The following DEPTOR variants were observed in gnomAD, a reference collection of about 807,000 sequenced individuals.
DEPTOR encodes DEP domain-containing mTOR-interacting protein.
In DEPTOR, 41 loss-of-function variants were observed where a neutral mutation model predicts 41.6. The observed-to-expected ratio is 0.98, with a 90% CI of 0.77 to 1.28. The LOEUF is 1.28. DEPTOR is among the 50% of genes most tolerant of loss of function. DEPTOR has a pLI of 0.00. For missense variants in DEPTOR, 514 were observed against 527.9 expected, an observed-to-expected ratio of 0.97 and a Z score of 0.26; for synonymous variants, 195 against 192.3, an observed-to-expected ratio of 1.01 and a Z score of -0.12.
At chr8:119,998,863 A>G (rs529763631) in intron 4 of DEPTOR, among the ~76,000 whole-genome samples, 1 of 151,236 alleles carries the variant, frequency 6.6e-6, no homozygotes, top group Non-Finnish European at 1.5e-5. Flanking sequence ...ATACTGTATT[A>G]TATTTCTACC....
At chr8:120,010,708 T>C (rs895461774) in intron 8 of DEPTOR, among the ~76,000 whole-genome samples, 3 of 152,138 alleles carry the variant, frequency 2.0e-5, no homozygotes, top group African/African-American at 7.2e-5. Flanking sequence ...AAATTACTTC[T>C]AATCTTCCCT....
At chr8:120,037,845 C>G (rs1162312794) in intron 8 of DEPTOR, among the ~76,000 whole-genome samples, 1 of 152,124 alleles carries the variant, frequency 6.6e-6, no homozygotes, top group Non-Finnish European at 1.5e-5. Flanking sequence ...CTGTCACATT[C>G]CCCATCGTTT....
intron 4 of DEPTOR, among the ~76,000 whole-genome samples, chr8:119,983,342 G>C (rs1014565720): frequency 5.9e-5 from 9 of 151,448 alleles, no homozygotes; most frequent in Non-Finnish European, 1.2e-4. Context: ...CCGAGTAGCT[G>C]GGATTACAGG....
intron 1 of DEPTOR, among the ~76,000 whole-genome samples, chr8:119,899,722 TTCA>T (rs1827562834): frequency 6.6e-6 from 1 of 152,186 alleles, no homozygotes; most frequent in South Asian, 2.1e-4. Flanking sequence ...TCGTGCAGTC[TTCA>T]TCATGTAGAA....
chr8:120,013,093 G>A (rs183232245), intron 8 of DEPTOR, among the ~76,000 whole-genome samples: 32 of 149,284 alleles, frequency 2.1e-4, no homozygotes, highest in Admixed American at 1.2e-3. Flanking sequence ...GGAGGCAGAG[G>A]TTGTAGTGAG....
chr8:119,995,235 A>G (rs566508421), intron 4 of DEPTOR, among the ~76,000 whole-genome samples: 1 of 152,322 alleles, frequency 6.6e-6, no homozygotes, highest in South Asian at 2.1e-4. Flanking sequence ...TGGCAGAGCT[A>G]GGATTGAAAC....
At chr8:119,929,053 ATG>A (rs1162039957) in intron 2 of DEPTOR, among the ~76,000 whole-genome samples, 1 of 152,220 alleles carries the variant, frequency 6.6e-6, no homozygotes, top group Non-Finnish European at 1.5e-5. Context: ...TTGATAGTAT[ATG>A]TCTTATTTGT....
intron 3 of DEPTOR, among the ~76,000 whole-genome samples, chr8:119,953,390 C>T (rs990736109): frequency 6.6e-6 from 1 of 152,084 alleles, no homozygotes; most frequent in Non-Finnish European, 1.5e-5. Context: ...TGAGAACAGC[C>T]TGGCCAACAT....
At chr8:119,923,099 C>T (rs1827917357) in intron 1 of DEPTOR, among the ~76,000 whole-genome samples, 1 of 152,072 alleles carries the variant, frequency 6.6e-6, no homozygotes, top group South Asian at 2.1e-4. Flanking sequence ...TAGGTCTTCC[C>T]TGGAGCTGTG....
intron 3 of DEPTOR, among the ~76,000 whole-genome samples, chr8:119,943,148 G>T (rs947284424): frequency 6.6e-6 from 1 of 152,164 alleles, no homozygotes; most frequent in African/African-American, 2.4e-5. Flanking sequence ...TTCTGGTTCA[G>T]CTCAGTCAGT....
Position 119,876,619 on chromosome 8 carries a change from CAG to C in DEPTOR, c.122+2654_122+2655del, listed in dbSNP as rs1436623633. Among the ~76,000 whole-genome samples the C allele has an allele frequency of 4.0e-5, 6 of 148,536 alleles. No individual in the cohort carries two copies. In the Admixed American group the frequency reaches 4.0e-4, roughly 10 times the overall value. ...TGCCACTGCACTCCAGCCTGGGCAACAGAGTGAGCCTCCATCTCAAAAAAAAA... is the reference window on the plus strand; with the variant it reads ...TGCCACTGCACTCCAGCCTGGGCAACAGTGAGCCTCCATCTCAAAAAAAAA... On this transcript the variant is annotated intron_variant, in intron 1 of 8. Coordinates refer to ENST00000286234, the MANE Select transcript of DEPTOR (RefSeq NM_022783.4).
intron 1 of DEPTOR, among the ~76,000 whole-genome samples, chr8:119,881,880 T>TTTTA (rs576601041): frequency 5.4e-4 from 82 of 152,076 alleles, no homozygotes; most frequent in South Asian, 1.2e-3. Flanking sequence ...TTTATTCTAT[T>TTTTA]TTTATTTATT....
intron 3 of DEPTOR, among the ~76,000 whole-genome samples, chr8:119,946,899 C>G (rs1000445868): frequency 6.6e-6 from 1 of 152,126 alleles, no homozygotes; most frequent in Non-Finnish European, 1.5e-5. Flanking sequence ...CTGATGCTGC[C>G]CTTCTTCCCT....
chr8:119,886,692 G>A (rs1827369250), intron 1 of DEPTOR, among the ~76,000 whole-genome samples: 1 of 152,122 alleles, frequency 6.6e-6, no homozygotes, highest in Admixed American at 6.6e-5. Flanking sequence ...GAAAAATAGT[G>A]TAACAAATTA....
intron 8 of DEPTOR, among the ~76,000 whole-genome samples, chr8:120,034,999 G>A (rs1007644781): frequency 7.0e-6 from 1 of 143,006 alleles, no homozygotes; most frequent in Non-Finnish European, 1.5e-5. Context: ...ATAAGCTTGT[G>A]TGGGAGTGAT....
chr8:119,992,823 A>T (rs1308375333), intron 4 of DEPTOR, among the ~76,000 whole-genome samples: 3 of 151,772 alleles, frequency 2.0e-5, no homozygotes, highest in Non-Finnish European at 4.4e-5. Context: ...TGCCTGGCTA[A>T]TTTTTATGTT....
intron 1 of DEPTOR, among the ~76,000 whole-genome samples, chr8:119,906,527 A>G (rs1459776773): frequency 3.3e-5 from 5 of 152,124 alleles, no homozygotes; most frequent in Non-Finnish European, 4.4e-5. Context: ...CTGTGCACCA[A>G]TGGTTGGTCT....
chr8:119,994,639 C>T lies in DEPTOR; in HGVS notation c.605-6886C>T, dbSNP rs140620414. ...ATGTGTTCTTTAAAGAAAGTTAGGC[C>T]AGGCGCAGTGGCTCACACCTGTAAT... is the stretch of plus-strand genomic sequence containing the variant. On this transcript the variant is annotated intron_variant, in intron 4 of 8. Coordinates refer to ENST00000286234, the MANE Select transcript of DEPTOR (RefSeq NM_022783.4). Among the ~76,000 whole-genome samples, 40 of 152,090 alleles carry T rather than the reference C, an allele frequency of 2.6e-4. 1 individual carries two copies. The East Asian group carries it at 7.5e-3, about 29-fold the overall frequency.
intron 1 of DEPTOR, among the ~76,000 whole-genome samples, chr8:119,885,109 CT>C (rs1409440720): frequency 6.6e-6 from 1 of 152,122 alleles, no homozygotes; most frequent in Non-Finnish European, 1.5e-5. Context: ...TTTCTTTCTC[CT>C]TTCCCAAGAG....
Sources: gnomAD v4.1 joint callset for allele counts (sites outside exome capture counted in the v4.1 genomes callset) on GRCh38, gnomAD v4.1.1 for gene constraint, MANE v1.5 for transcripts, NCBI Gene and HGNC (gene_info 2026-07-23, HGNC 2026-07-21) for gene names.